SEMA3C: variants seen among roughly 807,000 people sequenced by gnomAD.
The protein encoded by SEMA3C is semaphorin-3C.
In SEMA3C, 47 loss-of-function variants were observed where a neutral mutation model predicts 89.4. The ratio of observed to expected loss-of-function variants is 0.53; its 90% CI spans 0.42 to 0.67. The LOEUF (loss-of-function observed/expected upper bound fraction) is 0.67, where lower values mean the gene tolerates loss of function less well. Ranked by LOEUF, SEMA3C falls within the 30% of genes least tolerant of loss-of-function variation. The pLI is 0.00. For synonymous variants in SEMA3C, 310 were observed against 320.2 expected, an observed-to-expected ratio of 0.97 and a Z score of 0.34; for missense variants, 839 against 929.1, an observed-to-expected ratio of 0.90 and a Z score of 1.26.
chr7:80,840,885 G>C (rs1001190994), intron 2 of SEMA3C, among the ~76,000 whole-genome samples: 3 of 152,164 alleles, frequency 2.0e-5, no homozygotes, highest in African/African-American at 7.2e-5. Flanking sequence ...CATCATGGCT[G>C]TGGAAACAAT....
At chr7:80,801,111 G>A (rs1789196893) in intron 9 of SEMA3C, among the ~76,000 whole-genome samples, 1 of 151,902 alleles carries the variant, frequency 6.6e-6, no homozygotes. Context: ...ATATGGACTA[G>A]AACCATATTA....
At chr7:80,776,960 A>C (rs1339537778) in intron 12 of SEMA3C, among the ~76,000 whole-genome samples, 1 of 152,120 alleles carries the variant, frequency 6.6e-6, no homozygotes, top group Non-Finnish European at 1.5e-5. Context: ...ATACTAATAT[A>C]TATGATATAT....
intron 2 of SEMA3C, among the ~76,000 whole-genome samples, chr7:80,895,047 A>G (rs1791700799): frequency 6.6e-6 from 1 of 152,168 alleles, no homozygotes; most frequent in Non-Finnish European, 1.5e-5. Context: ...ATGGCATCCA[A>G]CTATCACCAC....
intron 2 of SEMA3C, among the ~76,000 whole-genome samples, chr7:80,860,525 T>A (rs975902866): frequency 3.9e-5 from 6 of 152,286 alleles, no homozygotes; most frequent in African/African-American, 1.4e-4. Flanking sequence ...AACTATAGCC[T>A]GAGCTCTGCT....
chr7:80,899,121 A>T (rs771597267), intron 2 of SEMA3C, among the ~76,000 whole-genome samples: 1 of 152,008 alleles, frequency 6.6e-6, no homozygotes, highest in Admixed American at 6.6e-5. Flanking sequence ...GCTCACTGCA[A>T]CCTCCGCCGC....
intron 1 of SEMA3C, among the ~76,000 whole-genome samples, 185 bp downstream of exon 1, chr7:80,918,643 G>A (rs547354017): frequency 6.6e-6 from 1 of 152,154 alleles, no homozygotes; most frequent in Non-Finnish European, 1.5e-5. Context: ...CTCCGCAGGT[G>A]TCACCGCCTA....
chr7:80,903,362 G>A (rs1320569528), intron 2 of SEMA3C, among the ~76,000 whole-genome samples: 2 of 152,096 alleles, frequency 1.3e-5, no homozygotes, highest in East Asian at 3.9e-4. Context: ...TAAAAATGTA[G>A]TATAATAATC....
At position 80,805,807 on chromosome 7, in the gene SEMA3C, G is replaced by A. The variant is rs1212387525; in HGVS notation, c.539-49C>T. The A allele has an allele frequency of 2.1e-6, 3 of 1,403,460 alleles. No individual in the cohort carries two copies. In the Admixed American group the frequency reaches 5.6e-5, roughly 26 times the overall value. 86.9% of individuals were successfully genotyped at this position (1,403,460 alleles called of 1,614,324 possible). A position where few individuals can be genotyped will look rare whatever the true frequency, so the allele number is the denominator to read the frequency against. The stretch of plus-strand genomic sequence containing the variant: ...AAATGTAAATTTTTAAAGCTATTTT[G>A]AAATTCTAGGTGAGTTTATTTATTA... On this transcript the variant is annotated intron_variant, in intron 6 of 17. Coordinates refer to ENST00000265361, the MANE Select transcript of SEMA3C (RefSeq NM_006379.5).
intron 15 of SEMA3C, among the ~76,000 whole-genome samples, chr7:80,754,957 G>GTTTTTTTT (rs1368382376): frequency 9.2e-6 from 1 of 108,364 alleles, no homozygotes; most frequent in Non-Finnish European, 1.9e-5. Context: ...GTTTTTTTTT[G>GTTTTTTTT]TTTTTTTTTT....
At chr7:80,900,165 G>A (rs1791842553) in intron 2 of SEMA3C, among the ~76,000 whole-genome samples, 1 of 151,730 alleles carries the variant, frequency 6.6e-6, no homozygotes, top group Non-Finnish European at 1.5e-5. Flanking sequence ...CCAGGCTGGA[G>A]TGCAGTGGCA....
chr7:80,886,033 G>GT (rs955732156), intron 2 of SEMA3C, among the ~76,000 whole-genome samples: 15 of 152,118 alleles, frequency 9.9e-5, no homozygotes, highest in African/African-American at 3.6e-4. Context: ...GGACAGCTGT[G>GT]TTTTTTGTAA....
intron 11 of SEMA3C, chr7:80,796,265 G>A (rs1339249693): frequency 1.3e-5 from 2 of 152,188 alleles, no homozygotes; most frequent in Non-Finnish European, 2.9e-5. Context: ...CATAAAATAT[G>A]TTGAGTAAAA....
At chr7:80,846,824 A>T (rs1790401904) in intron 2 of SEMA3C, among the ~76,000 whole-genome samples, 1 of 152,170 alleles carries the variant, frequency 6.6e-6, no homozygotes, top group Non-Finnish European at 1.5e-5. Flanking sequence ...ACTGTATTTC[A>T]TATCTTATAC....
intron 13 of SEMA3C, among the ~76,000 whole-genome samples, chr7:80,764,725 G>GT (rs981857274): frequency 3.3e-5 from 5 of 151,968 alleles, no homozygotes; most frequent in African/African-American, 1.2e-4. Flanking sequence ...AAACAAAGTC[G>GT]TTTTTCTTGA....
rs142470698 is a variant in SEMA3C at position 80,812,738 on chromosome 7, G to A, written c.448-2037C>T. On this transcript the variant is annotated intron_variant, in intron 5 of 17. Transcript: ENST00000265361. The stretch of plus-strand genomic sequence containing the variant: ...AATCTTCTCTGTTTCTCCCCAGTTC[G>A]TTAGGCTTTTCTCTTTTTGACTTTG... 5.5e-3 allele frequency among the ~76,000 whole-genome samples: 836 copies of A among 152,014 alleles called. 28 individuals are homozygous for A. Among genetic ancestry groups the A allele is most frequent in the Admixed American group, 0.047 (721 of 15,242 alleles).
chr7:80,809,807 A>G (rs1343679356), intron 6 of SEMA3C, among the ~76,000 whole-genome samples: 1 of 152,184 alleles, frequency 6.6e-6, no homozygotes, highest in Non-Finnish European at 1.5e-5. Flanking sequence ...CACTTATGAC[A>G]ACATGGATGG....
chr7:80,873,984 T>A (rs1791137241), intron 2 of SEMA3C, among the ~76,000 whole-genome samples: 1 of 152,110 alleles, frequency 6.6e-6, no homozygotes, highest in Non-Finnish European at 1.5e-5. Flanking sequence ...CAACTTACCT[T>A]CTCTTCTTTC....
intron 15 of SEMA3C, among the ~76,000 whole-genome samples, chr7:80,755,661 C>T (rs1053297292): frequency 1.3e-5 from 2 of 151,814 alleles, no homozygotes; most frequent in African/African-American, 4.8e-5. Flanking sequence ...GTTAGAGAGG[C>T]AAATTTTTAG....
chr7:80,861,403 G>C (rs925082276), intron 2 of SEMA3C, among the ~76,000 whole-genome samples: 1 of 151,952 alleles, frequency 6.6e-6, no homozygotes, highest in African/African-American at 2.4e-5. Context: ...TGCTTGCCAT[G>C]GTTTTCAATA....
Sources: gnomAD v4.1 joint callset for allele counts (sites outside exome capture counted in the v4.1 genomes callset) on GRCh38, gnomAD v4.1.1 for gene constraint, MANE v1.5 for transcripts, NCBI Gene and HGNC (gene_info 2026-07-23, HGNC 2026-07-21) for gene names.